The following AGBL4 variants were observed in gnomAD, a reference collection of about 807,000 sequenced individuals.
The protein encoded by AGBL4 is AGBL carboxypeptidase 4, also known as cytosolic carboxypeptidase 6.
In AGBL4, 58 loss-of-function variants were observed where a neutral mutation model predicts 66.4. The ratio of observed to expected loss-of-function variants is 0.87; its 90% CI spans 0.71 to 1.09. The LOEUF (loss-of-function observed/expected upper bound fraction) is 1.09. Among genes scored for constraint, AGBL4 ranks in the 50% least tolerant of loss-of-function variants. The probability of loss-of-function intolerance (pLI) is 0.00; values close to 1 mark genes in which losing one functional copy is unlikely to be tolerated. For synonymous variants in AGBL4, 234 were observed against 222.9 expected (o/e 1.05, Z -0.44); for missense variants, 579 against 631.0 (o/e 0.92, Z 0.88).
intron 4 of AGBL4, among the ~76,000 whole-genome samples, chr1:49,073,781 G>A (rs1644656562): frequency 6.6e-6 from 1 of 152,182 alleles, no homozygotes. Flanking sequence ...TGAACACTGT[G>A]CTGAGATAAC....
intron 3 of AGBL4, among the ~76,000 whole-genome samples, chr1:49,656,102 G>A (rs12031430): frequency 0.026 from 3,998 of 151,580 alleles, 157 homozygotes; most frequent in Admixed American, 0.11. Flanking sequence ...AGCCAAGATC[G>A]TGCCACTGCA....
At chr1:49,072,795 C>G (rs906653441) in intron 4 of AGBL4, among the ~76,000 whole-genome samples, 3 of 152,140 alleles carry the variant, frequency 2.0e-5, no homozygotes, top group Non-Finnish European at 4.4e-5. Flanking sequence ...GCCTGCCTTG[C>G]TAGGTTGGGG....
intron 1 of AGBL4, among the ~76,000 whole-genome samples, chr1:49,998,009 T>C (rs567054868): frequency 5.9e-5 from 9 of 151,546 alleles, no homozygotes; most frequent in Non-Finnish European, 1.0e-4. Context: ...AGAGCACAAA[T>C]AGATAATCTA....
chr1:48,787,761 C>T (rs747655270), intron 6 of AGBL4, among the ~76,000 whole-genome samples: 12 of 152,082 alleles, frequency 7.9e-5, no homozygotes, highest in South Asian at 2.1e-4. Context: ...CAGTTAAGGG[C>T]GAGGCATTTT....
At chr1:49,757,271 C>T (rs1558226557) in intron 2 of AGBL4, among the ~76,000 whole-genome samples, 1 of 152,210 alleles carries the variant, frequency 6.6e-6, no homozygotes, top group Non-Finnish European at 1.5e-5. Flanking sequence ...GTCAATTAAA[C>T]CTGTTTCCTT....
At chr1:49,976,165 A>G (rs957324336) in intron 1 of AGBL4, among the ~76,000 whole-genome samples, 4 of 152,164 alleles carry the variant, frequency 2.6e-5, no homozygotes, top group Admixed American at 2.0e-4. Flanking sequence ...GCCAACTAAC[A>G]ACTAGAATTT....
chr1:49,063,798 G>A (rs1311933585), intron 4 of AGBL4, among the ~76,000 whole-genome samples: 1 of 152,188 alleles, frequency 6.6e-6, no homozygotes, highest in African/African-American at 2.4e-5. Flanking sequence ...ATTTCTGGAG[G>A]AAGACTGTTG....
chr1:49,380,409 G>T (rs986682572), intron 3 of AGBL4, among the ~76,000 whole-genome samples: 1 of 152,050 alleles, frequency 6.6e-6, no homozygotes, highest in South Asian at 2.1e-4. Flanking sequence ...CATGAAAAGG[G>T]CCATACTGCC....
chr1:49,085,806 T>C (rs193112839), intron 4 of AGBL4, among the ~76,000 whole-genome samples: 2 of 152,238 alleles, frequency 1.3e-5, no homozygotes, highest in Non-Finnish European at 2.9e-5. Flanking sequence ...AGACCCTCTC[T>C]AGCTCCCCTG....
At chr1:48,536,496 G>A (rs1643973029) in intron 12 of AGBL4, among the ~76,000 whole-genome samples, 1 of 152,192 alleles carries the variant, frequency 6.6e-6, no homozygotes, top group African/African-American at 2.4e-5. Context: ...TTTCAGTATT[G>A]TTTGTTATGT....
chr1:49,747,338 A>C (rs1453603470), intron 2 of AGBL4, among the ~76,000 whole-genome samples: 2 of 152,120 alleles, frequency 1.3e-5, no homozygotes, highest in Non-Finnish European at 2.9e-5. Flanking sequence ...ACCTCCACGA[A>C]ATTTTCTCAG....
rs186213066 is a variant in AGBL4 at position 48,590,594 on chromosome 1, T to C, written c.1104+239A>G. Among the ~76,000 whole-genome samples the C allele has an allele frequency of 2.9e-3, 440 of 152,026 alleles. 5 individuals are homozygous for C. Among genetic ancestry groups the C allele is most frequent in the African/African-American group, 9.7e-3 (401 of 41,460 alleles). ...ACAAAAACCCCAAAACAAAAACAAA[T>C]GCCAGCTCATCAGCCAGCCAAAATG... is the stretch of plus-strand genomic sequence containing the variant. On this transcript the variant is annotated intron_variant, in intron 10 of 13. Coordinates refer to ENST00000371839, the MANE Select transcript of AGBL4 (RefSeq NM_032785.4).
intron 2 of AGBL4, among the ~76,000 whole-genome samples, chr1:49,756,081 AT>A (rs2147850517): frequency 6.6e-6 from 1 of 152,300 alleles, no homozygotes; most frequent in African/African-American, 2.4e-5. Flanking sequence ...CTTCAAATTT[AT>A]TTGAAATTAT....
intron 4 of AGBL4, among the ~76,000 whole-genome samples, chr1:49,108,881 A>G (rs951048093): frequency 3.3e-5 from 5 of 152,144 alleles, no homozygotes. Context: ...GGCAAAGTGC[A>G]CTAAACTGCA....
At chr1:49,593,704 C>T (rs1161198029) in intron 3 of AGBL4, among the ~76,000 whole-genome samples, 1 of 152,048 alleles carries the variant, frequency 6.6e-6, no homozygotes, top group Admixed American at 6.6e-5. Flanking sequence ...TTTCTTCATC[C>T]ATAAAATGGG....
chr1:49,284,484 C>G (rs1644358062), intron 3 of AGBL4, among the ~76,000 whole-genome samples: 1 of 151,804 alleles, frequency 6.6e-6, no homozygotes. Flanking sequence ...AAATCACCAG[C>G]TAACTTCATA....
intron 1 of AGBL4, among the ~76,000 whole-genome samples, chr1:49,982,631 C>A (rs1184460801): frequency 6.6e-6 from 1 of 152,186 alleles, no homozygotes; most frequent in African/African-American, 2.4e-5. Flanking sequence ...GGCTGCCAGT[C>A]CCGTGGACCA....
At chr1:49,811,968 C>T (rs1008431827) in intron 2 of AGBL4, among the ~76,000 whole-genome samples, 5 of 152,148 alleles carry the variant, frequency 3.3e-5, no homozygotes, top group African/African-American at 7.2e-5. Flanking sequence ...CACAGTGTTA[C>T]ATGCCACAGT....
intron 3 of AGBL4, among the ~76,000 whole-genome samples, chr1:49,587,879 A>C (rs996550316): frequency 2.6e-5 from 4 of 152,098 alleles, no homozygotes; most frequent in African/African-American, 9.7e-5. Flanking sequence ...CATAATAAAC[A>C]AATACATTGA....
Sources: gnomAD v4.1 joint callset for allele counts (sites outside exome capture counted in the v4.1 genomes callset) on GRCh38, gnomAD v4.1.1 for gene constraint, MANE v1.5 for transcripts, NCBI Gene and HGNC (gene_info 2026-07-23, HGNC 2026-07-21) for gene names.